Variants in TBCK observed in about 807,000 individuals in gnomAD.
TBCK encodes TBC domain-containing protein kinase-like protein.
A neutral mutation model predicts 113.4 loss-of-function variants in TBCK; 99 were observed. That is an observed-to-expected ratio of 0.87 (90% CI 0.74 to 1.03). The LOEUF (loss-of-function observed/expected upper bound fraction) is 1.03. Ranked by LOEUF, TBCK falls within the 50% of genes least tolerant of loss-of-function variation. The pLI, the probability that TBCK is intolerant of heterozygous loss-of-function variation, is 0.00. For synonymous variants in TBCK, 369 were observed against 370.8 expected (o/e 1.00, Z 0.05); for missense variants, 1,045 against 1,061.3 (o/e 0.98, Z 0.21).
intron 23 of TBCK, among the ~76,000 whole-genome samples, chr4:106,148,319 G>A (rs1748070676): frequency 6.6e-6 from 1 of 152,122 alleles, no homozygotes; most frequent in Non-Finnish European, 1.5e-5. Context: ...ATAAAAACTT[G>A]CTGGTTTTGC....
At chr4:106,143,450 G>A (rs570752822) in intron 23 of TBCK, among the ~76,000 whole-genome samples, 24 of 152,228 alleles carry the variant, frequency 1.6e-4, no homozygotes, top group African/African-American at 2.9e-4. Flanking sequence ...ATGATTTCCC[G>A]AAGATAATGT....
At chr4:106,215,395 G>T (rs987338319) in intron 19 of TBCK, among the ~76,000 whole-genome samples, 18 of 151,906 alleles carry the variant, frequency 1.2e-4, no homozygotes, top group Admixed American at 6.6e-4. Context: ...TGGACTAAAG[G>T]CTCCAGTTAA....
At chr4:106,076,883 G>C (rs561169952) in intron 25 of TBCK, among the ~76,000 whole-genome samples, 21 of 152,186 alleles carry the variant, frequency 1.4e-4, no homozygotes, top group African/African-American at 5.1e-4. Flanking sequence ...TGGGCAGATT[G>C]CTTGAGCCCC....
Position 106,218,032 on chromosome 4 carries a change from T to C in TBCK, c.1775-5197A>G, listed in dbSNP as rs1400614015. On this transcript the variant is annotated intron_variant, in intron 19 of 25. Transcript: ENST00000394708. ...GTACCAAAACAGAGATATAGATCAA[T>C]GGAACAGAATAGAGCCCTCAGAAAT... Among the ~76,000 whole-genome samples the C allele has an allele frequency of 4.9e-5, 7 of 143,950 alleles. No homozygotes were observed. In the South Asian group the frequency reaches 1.7e-3, roughly 34 times the overall value. 94.4% of individuals were successfully genotyped at this position (143,950 alleles called of 152,430 possible). A position where few individuals can be genotyped will look rare whatever the true frequency, so the allele number is the denominator to read the frequency against.
At chr4:106,314,034 G>C (rs913174078) in intron 1 of TBCK, among the ~76,000 whole-genome samples, 14 of 152,156 alleles carry the variant, frequency 9.2e-5, no homozygotes, top group African/African-American at 3.4e-4. Flanking sequence ...ATACAGCTTG[G>C]ACTTGCTCTA....
Position 106,045,051 on chromosome 4 carries a change from ATCTT to A in TBCK, c.*1515_*1518del, listed in dbSNP as rs1734096352. 1 of 145,406 alleles carries A rather than the reference ATCTT, an allele frequency of 6.9e-6. No homozygotes were observed. Among genetic ancestry groups the A allele is most frequent in the Non-Finnish European group, 1.5e-5 (1 of 66,904 alleles). The allele number at this position is 145,406 out of a possible 1,614,324, so 9.0% of individuals were successfully genotyped here. On this transcript the variant is annotated 3_prime_UTR_variant, in exon 26 of 26. Transcript: ENST00000394708. ...TTTCAGATTTCTGAAATGGGAATGT[ATCTT>A]TCTTTTTTTTTTTTTTTTTGAGATG...
chr4:106,111,570 T>A (rs1742862191), intron 24 of TBCK, among the ~76,000 whole-genome samples: 1 of 152,212 alleles, frequency 6.6e-6, no homozygotes, highest in African/African-American at 2.4e-5. Flanking sequence ...AAATCAAGCT[T>A]GGCTCCCCAG....
intron 3 of TBCK, among the ~76,000 whole-genome samples, chr4:106,280,925 A>T (rs935576570): frequency 1.3e-5 from 2 of 152,130 alleles, no homozygotes; most frequent in African/African-American, 4.8e-5. Context: ...GTGGTTCCAT[A>T]TAAGTTTTAG....
intron 23 of TBCK, among the ~76,000 whole-genome samples, chr4:106,157,153 G>A (rs904344497): frequency 3.3e-5 from 5 of 152,102 alleles, no homozygotes; most frequent in African/African-American, 1.2e-4. Flanking sequence ...GCTAGGTCCT[G>A]GAAAGGGGGA....
At chr4:106,057,239 A>G (rs945549748) in intron 25 of TBCK, among the ~76,000 whole-genome samples, 1 of 151,750 alleles carries the variant, frequency 6.6e-6, no homozygotes, top group African/African-American at 2.4e-5. Context: ...GAGAGGGTCA[A>G]TGTAAAGGTA....
At chr4:106,116,064 AT>A in intron 24 of TBCK, 138 bp downstream of exon 24, 1 of 722,022 alleles carries the variant, frequency 1.4e-6, no homozygotes, top group Non-Finnish European at 2.2e-6. Context: ...CCATTCTGGC[AT>A]CCAGTTTGAG....
rs1276063309 is a variant in TBCK at position 106,055,547 on chromosome 4, A to G, written c.2572-8867T>C. ...CATAGTTTGGTTTGTTGAAAGTTCAATTATACACACACACACACACACACA... is the reference window on the plus strand; with the variant it reads ...CATAGTTTGGTTTGTTGAAAGTTCAGTTATACACACACACACACACACACA... On this transcript the variant is annotated intron_variant, in intron 25 of 25. Coordinates refer to ENST00000394708, the MANE Select transcript of TBCK (RefSeq NM_001163435.3). Among the ~76,000 whole-genome samples the G allele has an allele frequency of 5.4e-5, 6 of 111,612 alleles. No individual in the cohort carries two copies. In the Admixed American group the frequency reaches 5.4e-4, roughly 10 times the overall value. The allele number at this position is 111,612 out of a possible 152,430, so 73.2% of individuals were successfully genotyped here.
chr4:106,262,280 A>G (rs1479169315), intron 3 of TBCK, 68 bp from the exon 4 acceptor site: 1 of 799,714 alleles, frequency 1.3e-6, no homozygotes, highest in Admixed American at 2.5e-5. Flanking sequence ...AACAAGTGAA[A>G]TGTGACCTAG....
At chr4:106,056,623 G>A (rs1033727286) in intron 25 of TBCK, among the ~76,000 whole-genome samples, 1 of 148,214 alleles carries the variant, frequency 6.7e-6, no homozygotes, top group African/African-American at 2.5e-5. Context: ...TGTTGGATTA[G>A]TTCCTAAGTG....
chr4:106,077,460 AG>A (rs1252299193), intron 25 of TBCK, among the ~76,000 whole-genome samples: 2 of 152,238 alleles, frequency 1.3e-5, no homozygotes, highest in Non-Finnish European at 2.9e-5. Context: ...CTTAAAGTAA[AG>A]GAATGGAGAA....
chr4:106,302,749 A>G (rs1452155210), intron 2 of TBCK, among the ~76,000 whole-genome samples: 2 of 152,182 alleles, frequency 1.3e-5, no homozygotes, highest in Non-Finnish European at 2.9e-5. Context: ...TACAACTGGA[A>G]ATTCTTTAGA....
Position 106,172,303 on chromosome 4 carries a change from T to C in TBCK, c.2060-1033A>G, listed in dbSNP as rs76154991. ...GTAAGCATCTTTAATGCAGAGGTAA[T>C]ATACATAGAAAGGTTACTACAACTC... On this transcript the variant is annotated intron_variant, in intron 22 of 25. Coordinates refer to ENST00000394708, the MANE Select transcript of TBCK (RefSeq NM_001163435.3). Among the ~76,000 whole-genome samples the C allele has an allele frequency of 5.1e-3, 773 of 152,240 alleles. 8 individuals carry two copies. Among genetic ancestry groups the C allele is most frequent in the African/African-American group, 0.018 (740 of 41,566 alleles).
intron 25 of TBCK, among the ~76,000 whole-genome samples, chr4:106,092,401 C>A (rs1220451261): frequency 6.6e-6 from 1 of 152,270 alleles, no homozygotes; most frequent in East Asian, 1.9e-4. Flanking sequence ...TGCACCCACA[C>A]TCCTCAGCCC....
At chr4:106,249,339 C>T (rs1337141047) in intron 7 of TBCK, among the ~76,000 whole-genome samples, 1 of 152,078 alleles carries the variant, frequency 6.6e-6, no homozygotes, top group Non-Finnish European at 1.5e-5. Context: ...TACACAGGTC[C>T]ACTTATATGT....
Sources: gnomAD v4.1 joint callset for allele counts (sites outside exome capture counted in the v4.1 genomes callset) on GRCh38, gnomAD v4.1.1 for gene constraint, MANE v1.5 for transcripts, NCBI Gene and HGNC (gene_info 2026-07-23, HGNC 2026-07-21) for gene names.